Variants in SHQ1 observed in about 807,000 individuals in gnomAD.
SHQ1 encodes protein SHQ1 homolog.
Under a neutral mutation model 53.8 loss-of-function variants are expected in SHQ1, and 49 were observed. That is an observed-to-expected ratio of 0.91 (90% CI 0.72 to 1.16). SHQ1 has a LOEUF of 1.16. SHQ1 is among the 50% of genes most tolerant of loss of function. SHQ1 has a pLI of 0.00. For missense variants in SHQ1, 738 were observed against 683.1 expected (o/e 1.08, Z -0.90); for synonymous variants, 243 against 251.0 (o/e 0.97, Z 0.30).
At chr3:72,784,479 T>G (rs1706166811) in intron 10 of SHQ1, among the ~76,000 whole-genome samples, 1 of 152,208 alleles carries the variant, frequency 6.6e-6, no homozygotes, top group Non-Finnish European at 1.5e-5. Flanking sequence ...GATACTGCCT[T>G]GTACTAATCT....
chr3:72,788,807 C>G (rs1706339622), intron 10 of SHQ1, among the ~76,000 whole-genome samples: 1 of 152,162 alleles, frequency 6.6e-6, no homozygotes, highest in African/African-American at 2.4e-5. Flanking sequence ...GAAACATGTA[C>G]TGTGTCCACT....
At chr3:72,780,987 G>A (rs1461425911) in intron 10 of SHQ1, among the ~76,000 whole-genome samples, 6 of 151,906 alleles carry the variant, frequency 3.9e-5, no homozygotes, top group African/African-American at 1.2e-4. Flanking sequence ...ATTTTTAGTA[G>A]AGGCAGAATA....
At chr3:72,774,218 C>T (rs1705910312) in intron 10 of SHQ1, among the ~76,000 whole-genome samples, 1 of 152,116 alleles carries the variant, frequency 6.6e-6, no homozygotes, top group Non-Finnish European at 1.5e-5. Flanking sequence ...CAGGAAGAAA[C>T]TGACAAGACT....
chr3:72,820,337 T>A (rs761290938), intron 6 of SHQ1, among the ~76,000 whole-genome samples: 1 of 152,234 alleles, frequency 6.6e-6, no homozygotes, highest in Non-Finnish European at 1.5e-5. Context: ...TACTAGGAGC[T>A]GCTAGACTTT....
chr3:72,799,578 G>A (rs1706724730), intron 9 of SHQ1, among the ~76,000 whole-genome samples: 1 of 152,078 alleles, frequency 6.6e-6, no homozygotes, highest in Non-Finnish European at 1.5e-5. Flanking sequence ...GCATTAAGAA[G>A]GCTTCTAGGT....
At chr3:72,734,300 A>G in the SHQ1 span, among the ~76,000 whole-genome samples, 1 of 151,200 alleles carries the variant, frequency 6.6e-6, no homozygotes, top group Non-Finnish European at 1.5e-5. Context: ...TCTGTTGCCC[A>G]GGCTGGAGTG....
At chr3:72,752,963 G>A (rs570513782) in intron 10 of SHQ1, 1,011 of 985,148 alleles carry the variant, frequency 1.0e-3, no homozygotes, top group Middle Eastern at 2.1e-3. Flanking sequence ...ATGACCAGCC[G>A]AAGACGCTTT....
the SHQ1 span, among the ~76,000 whole-genome samples, chr3:72,733,127 T>C: frequency 3.3e-5 from 5 of 151,474 alleles, no homozygotes; most frequent in Admixed American, 6.6e-5. Context: ...CGGGCATCTC[T>C]AGCAACCCCT....
rs745530981 is a variant in SHQ1, at chr3:72,824,407, G to C, written c.727+17C>G. On this transcript the variant is annotated intron_variant, in intron 6 of 10. Transcript: ENST00000325599. Reference sequence around the variant, plus strand: ...GATTTTAAAATGAAACAAATTAGCCGAATTTGAGTTTCTTACCTAATGTAG... The same window carrying C: ...GATTTTAAAATGAAACAAATTAGCCCAATTTGAGTTTCTTACCTAATGTAG... 6.2e-7 allele frequency: 1 copy of C among 1,608,182 alleles called. No homozygotes were observed. The highest frequency in any genetic ancestry group is 1.3e-5 in the African/African-American group (1 of 74,668).
At chr3:72,840,949 T>C (rs1708161890) in intron 4 of SHQ1, 96 bp downstream of exon 4, 5 of 1,392,220 alleles carry the variant, frequency 3.6e-6, no homozygotes, top group Middle Eastern at 1.9e-4. Context: ...TCCTGTAATA[T>C]TATTTTTAAA....
chr3:72,735,826 C>G, the SHQ1 span, among the ~76,000 whole-genome samples: 1 of 147,918 alleles, frequency 6.8e-6, no homozygotes, highest in East Asian at 2.0e-4. Flanking sequence ...GACTGAAGGT[C>G]CAGGGTGGAA....
At chr3:72,774,168 T>C (rs140784594) in intron 10 of SHQ1, among the ~76,000 whole-genome samples, 13 of 152,144 alleles carry the variant, frequency 8.5e-5, no homozygotes, top group East Asian at 1.9e-4. Flanking sequence ...TAACACCAAA[T>C]AACATGCCTC....
At chr3:72,752,653 A>G (rs1705411967) in intron 10 of SHQ1, among the ~76,000 whole-genome samples, 1 of 151,910 alleles carries the variant, frequency 6.6e-6, no homozygotes, top group African/African-American at 2.4e-5. Context: ...CAGCATCCCG[A>G]GTAGCTTGGA....
rs1481455441 is a variant in SHQ1, at chr3:72,812,788, T to C, written c.943A>G (p.Thr315Ala). The change falls in exon 9 of 11, where the codon ACT (threonine) becomes GCT (alanine). Residue 315 changes from threonine (T) to alanine (A), a missense_variant. Physicochemically the swap from Thr to Ala is moderately conservative, Grantham distance 58. Coordinates refer to ENST00000325599, the MANE Select transcript of SHQ1 (RefSeq NM_018130.3). ...GACACCATGATATCATGAACGTTAGTCCAAGTCTGTGAAGTGTCATTTTAA... is the reference window on the plus strand; with the variant it reads ...GACACCATGATATCATGAACGTTAGCCCAAGTCTGTGAAGTGTCATTTTAA... ...SPTLCWFETW[T>A]NVHDIMVSFG... The C allele has an allele frequency of 6.2e-7, 1 of 1,613,938 alleles. No individual in the cohort carries two copies. Among genetic ancestry groups the C allele is most frequent in the Non-Finnish European group, 8.5e-7 (1 of 1,179,944 alleles).
intron 5 of SHQ1, among the ~76,000 whole-genome samples, chr3:72,831,630 C>T (rs1262643523): frequency 1.3e-5 from 2 of 152,228 alleles, no homozygotes; most frequent in Admixed American, 6.5e-5. Flanking sequence ...ATAAAACCCT[C>T]ATTCTCCACG....
Position 72,780,857 on chromosome 3 carries a change from T to C in SHQ1, c.1181+12059A>G, listed in dbSNP as rs183593492. On this transcript the variant is annotated intron_variant, in intron 10 of 10. Coordinates refer to ENST00000325599, the MANE Select transcript of SHQ1 (RefSeq NM_018130.3). ...AACAAAAGACAAACATGCCATGATA[T>C]TAGAGGTGTATTCCATCACTTGATG... Among the ~76,000 whole-genome samples the C allele has an allele frequency of 1.9e-3, 289 of 152,292 alleles. 2 individuals carry two copies. The highest frequency in any genetic ancestry group is 6.5e-3 in the African/African-American group (272 of 41,572).
intron 5 of SHQ1, among the ~76,000 whole-genome samples, chr3:72,825,609 T>C (rs905200077): frequency 6.6e-6 from 1 of 152,178 alleles, no homozygotes; most frequent in African/African-American, 2.4e-5. Flanking sequence ...AGGACACTTA[T>C]TCAGAAATGA....
intron 9 of SHQ1, among the ~76,000 whole-genome samples, chr3:72,807,930 C>G (rs897731790): frequency 5.9e-5 from 9 of 152,184 alleles, no homozygotes; most frequent in Non-Finnish European, 1.3e-4. Flanking sequence ...GGGACAACAA[C>G]TAAACTCCTG....
chr3:72,801,594 A>G (rs766472647), intron 9 of SHQ1, among the ~76,000 whole-genome samples: 3 of 152,190 alleles, frequency 2.0e-5, no homozygotes, highest in Non-Finnish European at 2.9e-5. Context: ...TCAAGTACTG[A>G]TAAGTATGTC....
Sources: allele counts gnomAD v4.1 joint callset (sites outside exome capture counted in the v4.1 genomes callset), GRCh38; gene constraint gnomAD v4.1.1; transcripts MANE v1.5; gene names NCBI Gene and HGNC (gene_info 2026-07-23, HGNC 2026-07-21).